The following SCN7A variants were observed in gnomAD, a reference collection of about 807,000 sequenced individuals.
SCN7A encodes sodium channel protein type 7 subunit alpha.
In SCN7A, 138 loss-of-function variants were observed where a neutral mutation model predicts 155.2. That is an observed-to-expected ratio of 0.89 (90% CI 0.77 to 1.02). The LOEUF (loss-of-function observed/expected upper bound fraction) is 1.02, where lower values mean the gene tolerates loss of function less well. SCN7A is among the 50% of genes least tolerant of loss of function. SCN7A has a pLI of 0.00. For missense variants in SCN7A, 2,058 were observed against 1,986.6 expected, an observed-to-expected ratio of 1.04 and a Z score of -0.68; for synonymous variants, 693 against 649.0, an observed-to-expected ratio of 1.07 and a Z score of -1.03.
At chr2:166,429,101 G>T in intron 17 of SCN7A, 68 bp downstream of exon 17, 1 of 819,374 alleles carries the variant, frequency 1.2e-6, no homozygotes, top group Non-Finnish European at 1.9e-6. Flanking sequence ...ACTGGATATG[G>T]AACATATACA....
Position 166,492,063 on chromosome 2 carries a change from T to A in SCN7A, c.-128+1905A>T, listed in dbSNP as rs151208075. Among the ~76,000 whole-genome samples the A allele has an allele frequency of 1.2e-4, 18 of 152,214 alleles. 1 individual carries two copies. Among genetic ancestry groups the A allele is most frequent in the African/African-American group, 4.3e-4 (18 of 41,530 alleles). ...GTATGCTTTGGACAGGTATTTATCC[T>A]ACTTTGGGAAAATCAGTGAGAGTGT... On this transcript the variant is annotated intron_variant, in intron 1 of 25. Transcript: ENST00000643258.
chr2:166,459,269 C>G (rs188473030), intron 10 of SCN7A, among the ~76,000 whole-genome samples: 1 of 152,164 alleles, frequency 6.6e-6, no homozygotes, highest in Non-Finnish European at 1.5e-5. Context: ...AGCATATACT[C>G]TTGTTAGCAT....
At chr2:166,429,313 G>A in intron 16 of SCN7A, 39 bp from the exon 17 acceptor site, 1 of 1,303,456 alleles carries the variant, frequency 7.7e-7, no homozygotes, top group Non-Finnish European at 1.1e-6. Flanking sequence ...TGTGATTAAA[G>A]TTTCATTTAC....
intron 18 of SCN7A, 105 bp from the exon 19 acceptor site, chr2:166,423,537 A>G: frequency 8.0e-7 from 1 of 1,249,564 alleles, no homozygotes; most frequent in Non-Finnish European, 1.1e-6. Context: ...GCATATGGTG[A>G]GCACTGTCAG....
chr2:166,486,989 A>C (rs764364655), intron 1 of SCN7A, 21 bp from the exon 2 acceptor site: 1 of 152,208 alleles, frequency 6.6e-6, no homozygotes, highest in Non-Finnish European at 1.5e-5. Flanking sequence ...ACAGTTCTAA[A>C]GCTTGAAATC....
chr2:166,456,827 T>TAG lies in SCN7A; in HGVS notation c.1290+42_1290+43insCT, dbSNP rs781150735. ...AAATATATATATATATATATATATA[T>TAG]ATAGATAGATAGATAGATAGATAGA... On this transcript the variant is annotated intron_variant, in intron 11 of 25. Coordinates refer to ENST00000643258, the MANE Select transcript of SCN7A (RefSeq NM_002976.4). The TAG allele has an allele frequency of 5.1e-3, 3,278 of 638,150 alleles. 87 individuals are homozygous for TAG. The African/African-American group carries it at 0.059, about 11-fold the overall frequency. The allele number at this position is 638,150 out of a possible 1,614,324, so 39.5% of individuals were successfully genotyped here.
At chr2:166,458,101 T>C (rs897095404) in intron 10 of SCN7A, among the ~76,000 whole-genome samples, 3 of 152,168 alleles carry the variant, frequency 2.0e-5, no homozygotes, top group Non-Finnish European at 2.9e-5. Context: ...CTGTTATTTA[T>C]TGTAGTGCAT....
In SCN7A at chr2:166,485,451, C is replaced by A. The variant is rs749825209; in HGVS notation, c.-15+1405G>T. Among the ~76,000 whole-genome samples, 106 of 152,130 alleles carry A rather than the reference C, an allele frequency of 7.0e-4. 2 individuals are homozygous for A. Among genetic ancestry groups the A allele is most frequent in the Non-Finnish European group, 1.9e-4 (13 of 68,012 alleles). On this transcript the variant is annotated intron_variant, in intron 2 of 25. Coordinates refer to ENST00000643258, the MANE Select transcript of SCN7A (RefSeq NM_002976.4). ...TGCCAGATAACCAAAGCAAATCACT[C>A]TGTCACATCTGATTGCAAATATACT...
rs768166683 is a variant in SCN7A at position 166,441,704 on chromosome 2, T to C, written c.1849A>G (p.Met617Val). The change falls in exon 15 of 26, where the codon ATG (methionine) becomes GTG (valine). Residue 617 changes from methionine (M) to valine (V), a missense_variant. Physicochemically the swap from Met to Val is conservative, Grantham distance 21 (BLOSUM62 1). Coordinates refer to ENST00000643258, the MANE Select transcript of SCN7A (RefSeq NM_002976.4). ...GKYWPTFQIL[M>V]WSLSNSWVAL... ...ACCCATGAGTTACTAAGAGACCACA[T>C]CAAAATCTGGAATGTTGGCCAATAC... The C allele has an allele frequency of 1.2e-6, 2 of 1,612,350 alleles. No homozygotes were observed. Among genetic ancestry groups the C allele is most frequent in the African/African-American group, 2.7e-5 (2 of 74,818 alleles).
intron 15 of SCN7A, 42 bp downstream of exon 15, chr2:166,441,354 A>C (rs941983276): frequency 1.2e-5 from 16 of 1,378,918 alleles, no homozygotes; most frequent in Non-Finnish European, 1.3e-5. Context: ...AAACTACCTT[A>C]TACCAGTTTT....
chr2:166,477,053 T>G (rs868458940), intron 3 of SCN7A, among the ~76,000 whole-genome samples: 2 of 152,018 alleles, frequency 1.3e-5, no homozygotes, highest in Non-Finnish European at 1.5e-5. Flanking sequence ...ATAAATAACA[T>G]ACGGGTTGTA....
At chr2:166,460,971 G>A (rs1702391287) in intron 10 of SCN7A, among the ~76,000 whole-genome samples, 1 of 150,862 alleles carries the variant, frequency 6.6e-6, no homozygotes, top group South Asian at 2.1e-4. Flanking sequence ...CAAAGAGACT[G>A]GAAATACCAA....
At position 166,465,842 on chromosome 2, in the gene SCN7A, C is replaced by A. The variant is rs778839920; in HGVS notation, c.810G>T (p.Trp270Cys). The A allele has an allele frequency of 6.2e-7, 1 of 1,613,618 alleles. No individual in the cohort carries two copies. The highest frequency in any genetic ancestry group is 8.5e-7 in the Non-Finnish European group (1 of 1,179,846). Residue 270 changes from tryptophan to cysteine, a missense_variant, in exon 8 of 26, where the codon TGG (tryptophan) becomes TGT (cysteine). Trp to Cys is a radical substitution (Grantham distance 215, BLOSUM62 -2). Transcript: ENST00000643258. ...MGNLKHKCFRWPQENENETLH... is the reference protein window; with the variant it reads ...MGNLKHKCFRCPQENENETLH... ...GGGTTTCATTTTCATTCTCTTGGGG[C>A]CATCGAAAACATTTATGTTTCAAGT...
chr2:166,480,496 A>AG (rs1156362361), intron 2 of SCN7A, among the ~76,000 whole-genome samples: 1 of 151,700 alleles, frequency 6.6e-6, no homozygotes, highest in Non-Finnish European at 1.5e-5. Context: ...CAAAAAAAAA[A>AG]CAGCCTTTCA....
intron 11 of SCN7A, 43 bp downstream of exon 11, chr2:166,456,827 T>TATATATAG (rs1553518832): frequency 1.4e-5 from 9 of 639,274 alleles, no homozygotes; most frequent in African/African-American, 1.1e-4. Flanking sequence ...TATATATATA[T>TATATATAG]ATAGATAGAT....
chr2:166,485,460 C>T (rs72888509), intron 2 of SCN7A, among the ~76,000 whole-genome samples: 2,468 of 152,196 alleles, frequency 0.016, 37 homozygotes, highest in Non-Finnish European at 0.026. Context: ...TCTGTCACAT[C>T]TGATTGCAAA....
chr2:166,440,385 T>TA (rs1701933635), intron 15 of SCN7A, among the ~76,000 whole-genome samples: 1 of 152,180 alleles, frequency 6.6e-6, no homozygotes, highest in South Asian at 2.1e-4. Context: ...GGAACAGTGT[T>TA]ACAATGTAGA....
intron 11 of SCN7A, among the ~76,000 whole-genome samples, chr2:166,449,833 G>A (rs531138364): frequency 2.6e-5 from 4 of 152,292 alleles, no homozygotes; most frequent in African/African-American, 9.6e-5. Context: ...TGTTGGTGAG[G>A]TTGTGGAGAA....
intron 5 of SCN7A, among the ~76,000 whole-genome samples, chr2:166,473,369 T>C (rs1240465035): frequency 2.0e-5 from 3 of 151,734 alleles, no homozygotes; most frequent in Non-Finnish European, 2.9e-5. Context: ...GGATTTTTTA[T>C]GGTGATATTG....
Sources: allele counts gnomAD v4.1 joint callset (sites outside exome capture counted in the v4.1 genomes callset), GRCh38; gene constraint gnomAD v4.1.1; transcripts MANE v1.5; gene names NCBI Gene and HGNC (gene_info 2026-07-23, HGNC 2026-07-21).